Variants in ACTR3C observed in about 807,000 individuals in gnomAD.
The protein encoded by ACTR3C is actin-related protein 3C.
Under a neutral mutation model 26.3 loss-of-function variants are expected in ACTR3C, and 18 were observed. The ratio of observed to expected loss-of-function variants is 0.68; its 90% CI spans 0.47 to 1.01. ACTR3C has a LOEUF of 1.01. ACTR3C is among the 50% of genes least tolerant of loss of function. ACTR3C has a pLI of 0.00. For missense variants in ACTR3C, 184 were observed against 250.7 expected, an observed-to-expected ratio of 0.73 and a Z score of 1.80; for synonymous variants, 55 against 94.5, an observed-to-expected ratio of 0.58 and a Z score of 2.42.
the ACTR3C span, among the ~76,000 whole-genome samples, chr7:149,957,702 T>C: frequency 1.3e-5 from 2 of 151,454 alleles, no homozygotes; most frequent in African/African-American, 2.5e-5. Flanking sequence ...AGCTTGCAGA[T>C]GGCCTGCATG....
chr7:150,168,904 A>T, the ACTR3C span, among the ~76,000 whole-genome samples: 1 of 150,814 alleles, frequency 6.6e-6, no homozygotes, highest in Admixed American at 6.6e-5. Context: ...AAGAACCAAC[A>T]TCTCTTCTTT....
At chr7:150,066,639 A>G in the ACTR3C span, among the ~76,000 whole-genome samples, 11 of 152,316 alleles carry the variant, frequency 7.2e-5, no homozygotes, top group South Asian at 1.7e-3. Context: ...TATTACTAGA[A>G]TAGTGGCATT....
chr7:150,174,771 A>G, the ACTR3C span, among the ~76,000 whole-genome samples: 1,746 of 148,166 alleles, frequency 0.012, 149 homozygotes, highest in African/African-American at 0.044. Flanking sequence ...TACAGGCCCA[A>G]ATGGCTTCAA....
Position 150,292,500 on chromosome 7 carries a change from AT to A in ACTR3C, c.153+811del, listed in dbSNP as rs571206179. 5.8e-3 allele frequency among the ~76,000 whole-genome samples: 800 copies of A among 138,194 alleles called. 6 individuals are homozygous for A. Among genetic ancestry groups the A allele is most frequent in the East Asian group, 0.044 (215 of 4,846 alleles). 90.7% of individuals were successfully genotyped at this position (138,194 alleles called of 152,430 possible). A position where few individuals can be genotyped will look rare whatever the true frequency, so the allele number is the denominator to read the frequency against. ...ACAATCTCCCCTTCTTGGCTTTTAA[AT>A]TTTTTTTTTTTTTTTTTGAGACGGA... On this transcript the variant is annotated intron_variant, in intron 3 of 7. Transcript: ENST00000683684.
chr7:149,985,330 T>A, the ACTR3C span, among the ~76,000 whole-genome samples: 4 of 151,874 alleles, frequency 2.6e-5, no homozygotes, highest in Non-Finnish European at 5.9e-5. Flanking sequence ...AATAAATATT[T>A]TCCATTAACC....
At chr7:149,979,953 G>C in the ACTR3C span, among the ~76,000 whole-genome samples, 1 of 150,324 alleles carries the variant, frequency 6.7e-6, no homozygotes, top group South Asian at 2.1e-4. Flanking sequence ...AATTAAGAAT[G>C]AGGAGTGAAT....
At chr7:149,944,166 A>T in the ACTR3C span, among the ~76,000 whole-genome samples, 30 of 151,530 alleles carry the variant, frequency 2.0e-4, no homozygotes, top group East Asian at 5.8e-3. Flanking sequence ...CCCATCCTCT[A>T]GCTGTGGATC....
chr7:150,263,465 G>C, intron 6 of ACTR3C, among the ~76,000 whole-genome samples: 1 of 93,044 alleles, frequency 1.1e-5, no homozygotes. Context: ...GAACTACCAA[G>C]TTTAAGACAG....
At chr7:150,087,503 G>C in the ACTR3C span, among the ~76,000 whole-genome samples, 3 of 152,178 alleles carry the variant, frequency 2.0e-5, no homozygotes, top group East Asian at 3.8e-4. Context: ...GGAGGTGAAG[G>C]GGGAAGCATG....
At chr7:149,948,757 T>C in the ACTR3C span, among the ~76,000 whole-genome samples, 3 of 152,020 alleles carry the variant, frequency 2.0e-5, no homozygotes, top group South Asian at 6.2e-4. Flanking sequence ...AGGCAAGCCA[T>C]GGCTCACTAA....
intron 6 of ACTR3C, among the ~76,000 whole-genome samples, chr7:150,280,818 GTA>G (rs1175868519): frequency 5.7e-5 from 8 of 140,964 alleles, no homozygotes; most frequent in African/African-American, 1.2e-4. Flanking sequence ...GTGTGTGTGT[GTA>G]TATATATATA....
At chr7:150,279,816 C>A (rs1835169621) in intron 6 of ACTR3C, among the ~76,000 whole-genome samples, 1 of 152,218 alleles carries the variant, frequency 6.6e-6, no homozygotes, top group Non-Finnish European at 1.5e-5. Context: ...TTGCATGATT[C>A]ACTTTAATGA....
the ACTR3C span, among the ~76,000 whole-genome samples, chr7:150,011,933 G>T: frequency 6.6e-6 from 1 of 152,228 alleles, no homozygotes; most frequent in Non-Finnish European, 1.5e-5. Flanking sequence ...CTATTTAAGA[G>T]ATGTCAGAAG....
chr7:150,007,444 C>T, the ACTR3C span, among the ~76,000 whole-genome samples: 11 of 152,190 alleles, frequency 7.2e-5, no homozygotes, highest in Admixed American at 2.0e-4. Flanking sequence ...GCTCCAAGAA[C>T]GGCGATTCTC....
At chr7:150,041,030 G>A in the ACTR3C span, among the ~76,000 whole-genome samples, 2 of 150,662 alleles carry the variant, frequency 1.3e-5, no homozygotes, top group East Asian at 1.9e-4. Context: ...GCCTCAGCCA[G>A]GGCCCCACAG....
At chr7:149,960,000 C>T in the ACTR3C span, among the ~76,000 whole-genome samples, 2 of 151,244 alleles carry the variant, frequency 1.3e-5, no homozygotes, top group Non-Finnish European at 2.9e-5. Flanking sequence ...CCACACTCAC[C>T]AGCTGGAACA....
chr7:150,029,397 CAAAAACAA>C, the ACTR3C span, among the ~76,000 whole-genome samples: 1 of 35,414 alleles, frequency 2.8e-5, no homozygotes, highest in Admixed American at 2.8e-4. Context: ...CAATCTTTAT[CAAAAACAA>C]AAAAAAAAAA....
the ACTR3C span, among the ~76,000 whole-genome samples, chr7:149,885,685 C>A: frequency 6.6e-6 from 1 of 152,258 alleles, no homozygotes; most frequent in East Asian, 1.9e-4. Context: ...CTGGGACACA[C>A]TGGGGTGGTG....
the ACTR3C span, among the ~76,000 whole-genome samples, chr7:149,947,647 C>T: frequency 9.3e-6 from 1 of 107,834 alleles, no homozygotes; most frequent in Non-Finnish European, 1.7e-5. Flanking sequence ...GGGGCTGGGG[C>T]AGCGTGTGCA....
Sources: gnomAD v4.1 joint callset for allele counts (sites outside exome capture counted in the v4.1 genomes callset) on GRCh38, gnomAD v4.1.1 for gene constraint, MANE v1.5 for transcripts, NCBI Gene and HGNC (gene_info 2026-07-23, HGNC 2026-07-21) for gene names.